The following NR3C2 variants were observed in gnomAD, a reference collection of about 807,000 sequenced individuals.
NR3C2 encodes the protein mineralocorticoid receptor.
In NR3C2, 15 loss-of-function variants were observed where a neutral mutation model predicts 86.4. The ratio of observed to expected loss-of-function variants is 0.17; its 90% confidence interval spans 0.12 to 0.27. The LOEUF (loss-of-function observed/expected upper bound fraction) is 0.27, where lower values mean the gene tolerates loss of function less well. Among genes scored for constraint, NR3C2 ranks in the 10% least tolerant of loss-of-function variants. The pLI, the probability that NR3C2 is intolerant of heterozygous loss-of-function variation, is 1.00. For missense variants in NR3C2, 960 were observed against 1,195.6 expected (o/e 0.80, Z 2.91); for synonymous variants, 458 against 450.5 (o/e 1.02, Z -0.21).
At chr4:148,144,826 C>T (rs547187601) in intron 6 of NR3C2, among the ~76,000 whole-genome samples, 46 of 152,262 alleles carry the variant, frequency 3.0e-4, no homozygotes, top group Admixed American at 2.9e-3. Context: ...AGATAAGGAT[C>T]GACTATTTTC....
At chr4:148,365,592 T>C (rs961920356) in intron 2 of NR3C2, among the ~76,000 whole-genome samples, 5 of 152,044 alleles carry the variant, frequency 3.3e-5, no homozygotes. Context: ...TAAAATGTGA[T>C]ACAGTAATAT....
chr4:148,329,734 G>T (rs1189380218), intron 2 of NR3C2, among the ~76,000 whole-genome samples: 1 of 152,212 alleles, frequency 6.6e-6, no homozygotes, highest in Non-Finnish European at 1.5e-5. Flanking sequence ...AGTTGAGAAC[G>T]TTTAAGCAAT....
chr4:148,219,702 T>G, intron 3 of NR3C2, among the ~76,000 whole-genome samples: 1 of 149,866 alleles, frequency 6.7e-6, no homozygotes, highest in African/African-American at 2.5e-5. Flanking sequence ...TCCAGATGTC[T>G]TCTATTAACC....
chr4:148,181,810 C>A (rs1406458344), intron 4 of NR3C2, among the ~76,000 whole-genome samples: 1 of 152,238 alleles, frequency 6.6e-6, no homozygotes, highest in Non-Finnish European at 1.5e-5. Flanking sequence ...TACAGCCCAG[C>A]AGGATTTTAA....
rs568724751 is a variant in NR3C2, at chr4:148,116,272, A to G, written c.2642-2011T>C. Among the ~76,000 whole-genome samples, 6 of 152,354 alleles carry G rather than the reference A, an allele frequency of 3.9e-5. No individual in the cohort carries two copies. In the South Asian group the frequency reaches 1.2e-3, roughly 32 times the overall value. On this transcript the variant is annotated intron_variant, in intron 7 of 8. Coordinates refer to ENST00000358102, the MANE Select transcript of NR3C2 (RefSeq NM_000901.5). Reference sequence around the variant, plus strand: ...TTCTAAAAATTACAACAACTTGTCAAACAGTATTACTTATATATTATTGCT... The same window carrying G: ...TTCTAAAAATTACAACAACTTGTCAGACAGTATTACTTATATATTATTGCT...
chr4:148,333,499 A>T (rs1744328856), intron 2 of NR3C2, among the ~76,000 whole-genome samples: 1 of 151,126 alleles, frequency 6.6e-6, no homozygotes, highest in South Asian at 2.1e-4. Context: ...ATAAGATATA[A>T]GCACAGCTAT....
chr4:148,424,889 G>C lies in NR3C2; in HGVS notation c.1757+10215C>G, dbSNP rs780302730. Among the ~76,000 whole-genome samples the C allele has an allele frequency of 5.3e-5, 8 of 152,272 alleles. No individual in the cohort carries two copies. In the South Asian group the frequency reaches 1.7e-3, roughly 32 times the overall value. ...AACATGTAGAACTGAACACCAAAAA[G>C]AGTGAATTTTATAGTAAGAATTAAA... is the stretch of plus-strand genomic sequence containing the variant. On this transcript the variant is annotated intron_variant, in intron 2 of 8. Coordinates refer to ENST00000358102, the MANE Select transcript of NR3C2 (RefSeq NM_000901.5).
At chr4:148,368,731 T>C (rs1746272382) in intron 2 of NR3C2, among the ~76,000 whole-genome samples, 1 of 151,988 alleles carries the variant, frequency 6.6e-6, no homozygotes, top group South Asian at 2.1e-4. Flanking sequence ...GGAGAATAAG[T>C]CAAAGAAAAG....
chr4:148,177,556 A>G (rs1310252671), intron 4 of NR3C2, among the ~76,000 whole-genome samples: 1 of 152,226 alleles, frequency 6.6e-6, no homozygotes, highest in Non-Finnish European at 1.5e-5. Flanking sequence ...ATTAGCCACT[A>G]GATTTGCAAA....
At chr4:148,246,999 C>A (rs138058794) in intron 3 of NR3C2, among the ~76,000 whole-genome samples, 72 of 152,196 alleles carry the variant, frequency 4.7e-4, no homozygotes, top group African/African-American at 1.7e-3. Flanking sequence ...ACTTTTATTA[C>A]TATTCCTTTT....
intron 4 of NR3C2, among the ~76,000 whole-genome samples, chr4:148,188,989 G>A (rs1736070172): frequency 6.7e-6 from 1 of 149,668 alleles, no homozygotes; most frequent in Admixed American, 6.7e-5. Flanking sequence ...GTGCAGTGGC[G>A]CGATCTTGGC....
chr4:148,412,838 CACA>C (rs1748776990), intron 2 of NR3C2, among the ~76,000 whole-genome samples: 1 of 124,236 alleles, frequency 8.0e-6, no homozygotes, highest in African/African-American at 2.7e-5. Context: ...CACACACACA[CACA>C]CCCCTTAGTT....
intron 2 of NR3C2, among the ~76,000 whole-genome samples, chr4:148,315,486 T>C (rs1743125143): frequency 6.6e-6 from 1 of 152,236 alleles, no homozygotes; most frequent in African/African-American, 2.4e-5. Context: ...GCTCTCAGGA[T>C]GCAAGATTTT....
intron 4 of NR3C2, among the ~76,000 whole-genome samples, chr4:148,187,195 T>C (rs894309568): frequency 6.6e-6 from 1 of 151,680 alleles, no homozygotes; most frequent in Non-Finnish European, 1.5e-5. Flanking sequence ...AGTATATCTT[T>C]CAAATAATGA....
At chr4:148,369,966 G>C (rs1309394060) in intron 2 of NR3C2, among the ~76,000 whole-genome samples, 1 of 152,196 alleles carries the variant, frequency 6.6e-6, no homozygotes, top group African/African-American at 2.4e-5. Context: ...CTTTTTAGAA[G>C]TAGTAACTTT....
intron 2 of NR3C2, among the ~76,000 whole-genome samples, chr4:148,262,436 C>T (rs1740167244): frequency 1.3e-5 from 2 of 152,120 alleles, no homozygotes; most frequent in Non-Finnish European, 2.9e-5. Context: ...CAACTGCCCA[C>T]GTGGTATCTC....
At chr4:148,174,486 C>G (rs890475956) in intron 4 of NR3C2, among the ~76,000 whole-genome samples, 1 of 152,174 alleles carries the variant, frequency 6.6e-6, no homozygotes, top group African/African-American at 2.4e-5. Flanking sequence ...ACTTGGGGGC[C>G]TGAAGACACT....
At chr4:148,365,702 C>G (rs72951988) in intron 2 of NR3C2, among the ~76,000 whole-genome samples, 1,810 of 152,144 alleles carry the variant, frequency 0.012, 30 homozygotes, top group African/African-American at 0.041. Flanking sequence ...ATCTCTACAA[C>G]CATGTGATAT....
intron 3 of NR3C2, among the ~76,000 whole-genome samples, chr4:148,216,336 G>A (rs142361860): frequency 1.3e-4 from 20 of 152,168 alleles, no homozygotes; most frequent in African/African-American, 4.3e-4. Context: ...GTCAACTGCC[G>A]AAGTCAAAAG....
Sources: allele counts gnomAD v4.1 joint callset (sites outside exome capture counted in the v4.1 genomes callset), GRCh38; gene constraint gnomAD v4.1.1; transcripts MANE v1.5; gene names NCBI Gene and HGNC (gene_info 2026-07-23, HGNC 2026-07-21).